Variants in KLKB1 observed in about 807,000 individuals in gnomAD.
KLKB1 encodes the protein kallikrein B1.
A neutral mutation model predicts 73.6 loss-of-function variants in KLKB1; 58 were observed. That is an observed-to-expected ratio of 0.79 (90% CI 0.64 to 0.98). KLKB1 has a LOEUF of 0.98. KLKB1 is among the 50% of genes least tolerant of loss of function. The probability of loss-of-function intolerance (pLI) is 0.00; values close to 1 mark genes in which losing one functional copy is unlikely to be tolerated. For synonymous variants in KLKB1, 280 were observed against 258.1 expected (o/e 1.08, Z -0.81); for missense variants, 737 against 763.8 (o/e 0.96, Z 0.41).
intron 4 of KLKB1, among the ~76,000 whole-genome samples, chr4:186,234,571 G>A (rs1737559709): frequency 6.6e-6 from 1 of 152,206 alleles, no homozygotes; most frequent in Non-Finnish European, 1.5e-5. Context: ...GCACAGGGCA[G>A]TCGTCCACAG....
chr4:186,238,481 T>C (rs904643745), intron 6 of KLKB1, 116 bp downstream of exon 6: 5 of 769,430 alleles, frequency 6.5e-6, no homozygotes, highest in Admixed American at 5.6e-5. Flanking sequence ...GGCAAAAGCG[T>C]TTCTGTCAAT....
rs115556770 is a variant in KLKB1 at position 186,215,905 on chromosome 4, C to G, written c.201+6633C>G. Among the ~76,000 whole-genome samples the G allele has an allele frequency of 5.3e-3, 801 of 152,214 alleles. 5 individuals carry two copies. Among genetic ancestry groups the G allele is most frequent in the African/African-American group, 0.018 (747 of 41,532 alleles). On this transcript the variant is annotated intron_variant, in intron 2 of 14. Transcript: ENST00000511608. The stretch of plus-strand genomic sequence containing the variant: ...GCTGTCTATGCCTTAATTTTGACTC[C>G]CATCAATAATGCTTGATGTTGTAGC...
In KLKB1 at chr4:186,251,057, G is replaced by A; in HGVS notation, c.759-162G>A. The A allele has an allele frequency of 1.1e-5, 7 of 610,260 alleles. No homozygotes were observed. The South Asian group carries it at 1.2e-4, about 11-fold the overall frequency. The allele number at this position is 610,260 out of a possible 1,614,324, so 37.8% of individuals were successfully genotyped here. On this transcript the variant is annotated intron_variant, in intron 7 of 14. Coordinates refer to ENST00000264690, the MANE Select transcript of KLKB1 (RefSeq NM_000892.5). ...GTGGCTTGATTTACATTTAATCTCT[G>A]CAATTTATTAGAGTCCTGTAGTTGG...
upstream of KLKB1, among the ~76,000 whole-genome samples, chr4:186,222,458 G>A (rs1435573128): frequency 6.6e-6 from 1 of 151,984 alleles, no homozygotes; most frequent in Non-Finnish European, 1.5e-5. Flanking sequence ...GTTATCATGA[G>A]GTTTACATAA....
chr4:186,235,993 AG>A (rs1561452430), intron 4 of KLKB1, among the ~76,000 whole-genome samples: 1 of 151,722 alleles, frequency 6.6e-6, no homozygotes, highest in Non-Finnish European at 1.5e-5. Context: ...GCGCGCCTGT[AG>A]TCCCAGCTAC....
Position 186,254,567 on chromosome 4 carries a change from GT to G in KLKB1, c.1314-20del. On this transcript the variant is annotated intron_variant, in intron 11 of 14. Coordinates refer to ENST00000264690, the MANE Select transcript of KLKB1 (RefSeq NM_000892.5). ...GGAAGGACTGCCCAGTTTCAAACAG[GT>G]ATTTATTTTTCTCTCCTAGGCTTCC... 1.2e-6 allele frequency: 2 copies of G among 1,606,308 alleles called. No individual in the cohort carries two copies. Among genetic ancestry groups the G allele is most frequent in the Non-Finnish European group, 1.7e-6 (2 of 1,172,898 alleles).
At chr4:186,243,023 G>A (rs35650351) in intron 6 of KLKB1, among the ~76,000 whole-genome samples, 1 of 151,746 alleles carries the variant, frequency 6.6e-6, no homozygotes, top group African/African-American at 2.4e-5. Flanking sequence ...GACCCTGTGG[G>A]AAAGGCCTCT....
intron 5 of KLKB1, among the ~76,000 whole-genome samples, chr4:186,237,444 C>T (rs1737754871): frequency 6.6e-6 from 1 of 152,066 alleles, no homozygotes; most frequent in African/African-American, 2.4e-5. Context: ...TGTTTCTCTA[C>T]TCTTTTCCCC....
intron 6 of KLKB1, among the ~76,000 whole-genome samples, chr4:186,244,935 C>T (rs1209122789): frequency 6.6e-6 from 1 of 151,924 alleles, no homozygotes; most frequent in Admixed American, 6.6e-5. Context: ...AAGGAGGGAG[C>T]AGAGGTGTCC....
chr4:186,251,166 G>A, intron 7 of KLKB1, 53 bp from the exon 8 acceptor site: 1 of 1,175,752 alleles, frequency 8.5e-7, no homozygotes, highest in South Asian at 1.2e-5. Context: ...TTTGCCTAAT[G>A]CCTTTAATGC....
chr4:186,254,662 T>C lies in KLKB1; in HGVS notation c.1388T>C (p.Phe463Ser). ...NLSDITKDTP[F>S]SQIKEIIIHQ... is the part of the protein sequence containing the mutation. ...TCAGACATTACAAAAGATACACCTT[T>C]CTCACAAATAAAAGAGATTATTATT... Residue 463 changes from phenylalanine to serine, a missense_variant, in exon 12 of 15, where the codon TTC (phenylalanine) becomes TCC (serine). Physicochemically the swap from Phe to Ser is radical, Grantham distance 155. Transcript: ENST00000264690. The C allele has an allele frequency of 4.3e-6, 7 of 1,613,550 alleles. No homozygotes were observed. Among genetic ancestry groups the C allele is most frequent in the Non-Finnish European group, 5.9e-6 (7 of 1,179,456 alleles).
At chr4:186,247,706 C>A (rs376100749) in intron 6 of KLKB1, among the ~76,000 whole-genome samples, 27 of 152,060 alleles carry the variant, frequency 1.8e-4, no homozygotes, top group African/African-American at 6.5e-4. Flanking sequence ...GCTGAAAATA[C>A]CAAGAAAATT....
At chr4:186,216,616 A>G (rs6821390) in intron 2 of KLKB1, among the ~76,000 whole-genome samples, 43,861 of 151,802 alleles carry the variant, frequency 0.29, 7,018 homozygotes, top group African/African-American at 0.42. Context: ...GTCTAAGGGG[A>G]GGTTCTGGAG....
At chr4:186,244,002 G>A (rs775019582) in intron 6 of KLKB1, among the ~76,000 whole-genome samples, 1 of 152,024 alleles carries the variant, frequency 6.6e-6, no homozygotes, top group African/African-American at 2.4e-5. Flanking sequence ...CATGGGGGTG[G>A]GGGCCAGCCT....
chr4:186,243,089 C>T (rs142075807), intron 6 of KLKB1, among the ~76,000 whole-genome samples: 14 of 151,858 alleles, frequency 9.2e-5, no homozygotes, highest in South Asian at 2.1e-4. Context: ...TTCCTGACTC[C>T]GGGTATGTGA....
rs1738715633 is a variant in KLKB1, at chr4:186,252,134, G to A, written c.1262G>A (p.Gly421Glu). The change falls in exon 11 of 15, where the codon GGG becomes GAG. Residue 421 changes from glycine (G) to glutamate (E), a missense_variant. By Grantham distance (98) the Gly-to-Glu change is moderately conservative. Coordinates refer to ENST00000264690, the MANE Select transcript of KLKB1 (RefSeq NM_000892.5). ...ACAGCTCAGAGGCACCTGTGTGGAG[G>A]GTCACTCATAGGACACCAGTGGGTC... ...KLTAQRHLCG[G>E]SLIGHQWVLT... 6.2e-7 allele frequency: 1 copy of A among 1,613,904 alleles called. No homozygotes were observed.
rs1180402468 is a variant in KLKB1, at chr4:186,234,965, T to G, written c.328+907T>G. On this transcript the variant is annotated intron_variant, in intron 4 of 14. Coordinates refer to ENST00000264690, the MANE Select transcript of KLKB1 (RefSeq NM_000892.5). ...TTTTCATTATGCACAATTAATTTTGTAGGTTCAAATTTCAGATGTTTTTAA... is the reference window on the plus strand; with the variant it reads ...TTTTCATTATGCACAATTAATTTTGGAGGTTCAAATTTCAGATGTTTTTAA... Among the ~76,000 whole-genome samples the G allele has an allele frequency of 2.0e-5, 3 of 152,370 alleles. No homozygotes were observed. In the East Asian group the frequency reaches 5.8e-4, roughly 29 times the overall value.
At chr4:186,219,413 A>G (rs1344809576) in intron 2 of KLKB1, among the ~76,000 whole-genome samples, 1 of 152,190 alleles carries the variant, frequency 6.6e-6, no homozygotes, top group Non-Finnish European at 1.5e-5. Context: ...CCTTCGTACA[A>G]CCAGAAGTGT....
chr4:186,210,897 T>C (rs1218607702), intron 2 of KLKB1: 4 of 396,472 alleles, frequency 1.0e-5, no homozygotes, highest in African/African-American at 2.1e-5. Context: ...AGTGCAGTGG[T>C]GTGATCTCAG....
Sources: allele counts gnomAD v4.1 joint callset (sites outside exome capture counted in the v4.1 genomes callset), GRCh38; gene constraint gnomAD v4.1.1; transcripts MANE v1.5; gene names NCBI Gene and HGNC (gene_info 2026-07-23, HGNC 2026-07-21).